RB1CC1: variants seen among roughly 807,000 people sequenced by gnomAD.
The protein encoded by RB1CC1 is RB1-inducible coiled-coil protein 1.
In RB1CC1, 46 loss-of-function variants were observed where a neutral mutation model predicts 177.5. The ratio of observed to expected loss-of-function variants is 0.26; its 90% CI spans 0.20 to 0.33. The LOEUF is 0.33. Among genes scored for constraint, RB1CC1 ranks in the 10% least tolerant of loss-of-function variants. The pLI, the probability that RB1CC1 is intolerant of heterozygous loss-of-function variation, is 1.00. For missense variants in RB1CC1, 1,703 were observed against 1,816.3 expected, an observed-to-expected ratio of 0.94 and a Z score of 1.13; for synonymous variants, 666 against 613.6, an observed-to-expected ratio of 1.09 and a Z score of -1.26.
chr8:52,654,332 A>C (rs931558003), intron 15 of RB1CC1, among the ~76,000 whole-genome samples: 6 of 152,238 alleles, frequency 3.9e-5, no homozygotes, highest in African/African-American at 1.2e-4. Context: ...CCAAAATCCC[A>C]GGTATAGCTT....
At position 52,623,161 on chromosome 8, in the gene RB1CC1, TAC is replaced by T. The variant is rs1848162676; in HGVS notation, c.*619_*620del. The T allele has an allele frequency of 1.3e-5, 2 of 154,756 alleles. No individual in the cohort carries two copies. The highest frequency in any genetic ancestry group is 2.9e-5 in the Non-Finnish European group (2 of 69,632). The allele number at this position is 154,756 out of a possible 1,614,324, so 9.6% of individuals were successfully genotyped here. A position where few individuals can be genotyped will look rare whatever the true frequency, so the allele number is the denominator to read the frequency against. On this transcript the variant is annotated 3_prime_UTR_variant, in exon 24 of 24. Transcript: ENST00000025008. ...GAAAGTGCTTTTGAAGATTGCTGATTACTTATGGCTGATCTTAAAATCAGTCA... is the reference window on the plus strand; with the variant it reads ...GAAAGTGCTTTTGAAGATTGCTGATTTTATGGCTGATCTTAAAATCAGTCA...
In RB1CC1 at chr8:52,658,049, T is replaced by C; in HGVS notation, c.1869A>G (p.Gln623=). The change falls in exon 14 of 24, where the codon CAA becomes CAG. Residue 623 remains glutamine (Q), a synonymous_variant. Transcript: ENST00000025008. ...LALHNLVKAA[Q]SLDEMSQTIT... is the part of the protein sequence containing the mutation. Reference sequence around the variant, plus strand: ...TGGTCTGTGACATTTCATCCAAACTTTGTGCTGCTTTTACCAAATTATGTA... The same window carrying C: ...TGGTCTGTGACATTTCATCCAAACTCTGTGCTGCTTTTACCAAATTATGTA... 2 of 1,614,082 alleles carry C rather than the reference T, an allele frequency of 1.2e-6. No individual in the cohort carries two copies. The highest frequency in any genetic ancestry group is 1.7e-6 in the Non-Finnish European group (2 of 1,180,006).
intron 1 of RB1CC1, among the ~76,000 whole-genome samples, chr8:52,692,950 C>T (rs527563907): frequency 1.4e-4 from 21 of 152,278 alleles, no homozygotes; most frequent in Middle Eastern, 3.4e-3. Flanking sequence ...TTCCTTGTGT[C>T]CATAAATGAA....
At chr8:52,652,698 G>C (rs376324407) in intron 15 of RB1CC1, among the ~76,000 whole-genome samples, 9 of 152,128 alleles carry the variant, frequency 5.9e-5, no homozygotes, top group African/African-American at 1.9e-4. Context: ...CATGCACACA[G>C]ATTATATGAA....
At chr8:52,633,913 A>AC (rs902077501) in intron 20 of RB1CC1, among the ~76,000 whole-genome samples, 2 of 152,050 alleles carry the variant, frequency 1.3e-5, no homozygotes, top group African/African-American at 4.8e-5. Context: ...AGATGGTGAA[A>AC]CCCCATCTCT....
intron 16 of RB1CC1, 126 bp downstream of exon 16, chr8:52,645,576 C>A: frequency 1.0e-6 from 1 of 987,882 alleles, no homozygotes; most frequent in Non-Finnish European, 1.4e-6. Context: ...AATTTATTAA[C>A]AGGATCAATG....
Position 52,656,416 on chromosome 8 carries a change from G to T in RB1CC1, c.3413C>A (p.Ser1138Tyr). Residue 1138 changes from serine to tyrosine, a missense_variant, in exon 15 of 24, where the codon TCC becomes TAC. This residue lies in a region of RB1CC1 where 1,169 missense variants were observed against 1,184.7 expected (regional missense o/e 0.99). Coordinates refer to ENST00000025008, the MANE Select transcript of RB1CC1 (RefSeq NM_014781.5). Reference protein sequence around the residue: ...LMTIEKDQCISELISRHEEES... With the variant: ...LMTIEKDQCIYELISRHEEES... ...TTCTTCATGTCTACTAATTAACTCG[G>T]AAATACACTGATCTTTTTCAATTGT... The T allele has an allele frequency of 1.2e-6, 2 of 1,611,176 alleles. No homozygotes were observed. The highest frequency in any genetic ancestry group is 1.1e-5 in the South Asian group (1 of 90,814).
At chr8:52,646,766 A>G (rs1437025390) in intron 15 of RB1CC1, among the ~76,000 whole-genome samples, 2 of 152,206 alleles carry the variant, frequency 1.3e-5, no homozygotes, top group African/African-American at 4.8e-5. Context: ...ACACTGGTTA[A>G]TGATTAGTTT....
intron 22 of RB1CC1, among the ~76,000 whole-genome samples, chr8:52,626,925 A>G (rs899352922): frequency 6.6e-6 from 1 of 152,168 alleles, no homozygotes; most frequent in Non-Finnish European, 1.5e-5. Context: ...GTGCAAATCT[A>G]TAGTACCTAG....
intron 1 of RB1CC1, among the ~76,000 whole-genome samples, chr8:52,689,088 A>C (rs142369736): frequency 3.5e-4 from 54 of 152,240 alleles, no homozygotes; most frequent in African/African-American, 1.2e-3. Context: ...AATCTCTCCT[A>C]AACTATCTAT....
At chr8:52,624,815 T>C in intron 22 of RB1CC1, 28 bp from the exon 23 acceptor site, 4 of 1,401,856 alleles carry the variant, frequency 2.9e-6, no homozygotes, top group Non-Finnish European at 3.9e-6. Flanking sequence ...TTAATCTCTT[T>C]TTGAAAGTAT....
At chr8:52,658,186 A>T (rs1246426847) in intron 13 of RB1CC1, 62 bp from the exon 14 acceptor site, 13 of 1,486,278 alleles carry the variant, frequency 8.7e-6, no homozygotes, top group Non-Finnish European at 1.0e-5. Flanking sequence ...GATAACTGCT[A>T]CCAAATATTT....
At chr8:52,624,359 G>A (rs1848236198) in intron 23 of RB1CC1, among the ~76,000 whole-genome samples, 1 of 151,902 alleles carries the variant, frequency 6.6e-6, no homozygotes. Context: ...TGGGGGCAGA[G>A]TATGAAAATA....
intron 22 of RB1CC1, among the ~76,000 whole-genome samples, chr8:52,626,026 G>A (rs2150366676): frequency 6.6e-6 from 1 of 152,290 alleles, no homozygotes; most frequent in Non-Finnish European, 1.5e-5. Flanking sequence ...TGGACAATAG[G>A]ATGTGGTGAA....
rs1851113463 is a variant in RB1CC1, at chr8:52,656,727, T to G, written c.3102A>C (p.Glu1034Asp). ...IINQIQESHA[E>D]IIQEKEKQLQ... ...ACTGTTTTTCTTTTTCCTGGATAAT[T>G]TCAGCATGAGATTCTTGTATTTGAT... is the stretch of plus-strand genomic sequence containing the variant. Residue 1034 changes from glutamate to aspartate, a missense_variant, in exon 15 of 24, where the codon GAA (glutamate) becomes GAC (aspartate). Transcript: ENST00000025008. 1.2e-6 allele frequency: 2 copies of G among 1,613,526 alleles called. No individual in the cohort carries two copies. Among genetic ancestry groups the G allele is most frequent in the Admixed American group, 3.3e-5 (2 of 59,932 alleles).
chr8:52,642,115 T>C (rs184646109), intron 18 of RB1CC1, among the ~76,000 whole-genome samples: 54 of 152,252 alleles, frequency 3.5e-4, no homozygotes, highest in Non-Finnish European at 4.0e-4. Context: ...ATGATCCTTA[T>C]CTTGGCAGTA....
At chr8:52,658,831 T>C (rs765069956) in intron 13 of RB1CC1, 42 bp downstream of exon 13, 2 of 1,397,782 alleles carry the variant, frequency 1.4e-6, no homozygotes, top group Non-Finnish European at 2.0e-6. Context: ...AATAAAAACA[T>C]TTTAAGGTTA....
At chr8:52,696,782 C>T (rs1048642783) in intron 1 of RB1CC1, among the ~76,000 whole-genome samples, 2 of 152,164 alleles carry the variant, frequency 1.3e-5, no homozygotes, top group Admixed American at 6.5e-5. Flanking sequence ...GCAGGCTGAT[C>T]ACTTGAGCTC....
At chr8:52,663,484 A>G (rs557654196) in intron 8 of RB1CC1, among the ~76,000 whole-genome samples, 80 of 152,142 alleles carry the variant, frequency 5.3e-4, no homozygotes, top group Non-Finnish European at 1.0e-3. Flanking sequence ...GCAATAAATA[A>G]TAAATCCCTT....
Sources: allele counts gnomAD v4.1 joint callset (sites outside exome capture counted in the v4.1 genomes callset), GRCh38; gene constraint gnomAD v4.1.1; regional missense constraint gnomAD v4.1.1; transcripts MANE v1.5; gene names NCBI Gene and HGNC (gene_info 2026-07-23, HGNC 2026-07-21).